KEL: variants seen among roughly 807,000 people sequenced by gnomAD.
The protein encoded by KEL is Kell metallo-endopeptidase (Kell blood group), also known as kell blood group glycoprotein.
Under a neutral mutation model 99.5 loss-of-function variants are expected in KEL, and 96 were observed. The observed-to-expected ratio is 0.97, with a 90% confidence interval of 0.82 to 1.14. The LOEUF (loss-of-function observed/expected upper bound fraction) is 1.14, where lower values mean the gene tolerates loss of function less well. Among genes scored for constraint, KEL ranks in the 50% most tolerant of loss-of-function variants. The probability of loss-of-function intolerance (pLI) is 0.00; values close to 1 mark genes in which losing one functional copy is unlikely to be tolerated. For synonymous variants in KEL, 355 were observed against 354.8 expected, an observed-to-expected ratio of 1.00 and a Z score of -0.01; for missense variants, 926 against 924.2, an observed-to-expected ratio of 1.00 and a Z score of -0.03.
chr7:142,962,258 G>T lies in KEL; in HGVS notation c.-52C>A. 1 of 1,611,000 alleles carries T rather than the reference G, an allele frequency of 6.2e-7. No homozygotes were observed. The highest frequency in any genetic ancestry group is 8.5e-7 in the Non-Finnish European group (1 of 1,177,110). Reference sequence around the variant, plus strand: ...CCTTCCTGGTTCCACTCTAGGAGCTGATTCGGAGGACTGGGGTCCAGGAAA... The same window carrying T: ...CCTTCCTGGTTCCACTCTAGGAGCTTATTCGGAGGACTGGGGTCCAGGAAA... On this transcript the variant is annotated 5_prime_UTR_variant, in exon 1 of 19. Transcript: ENST00000355265.
chr7:142,955,566 T>G (rs575148115), intron 6 of KEL, among the ~76,000 whole-genome samples: 3 of 152,228 alleles, frequency 2.0e-5, no homozygotes, highest in Non-Finnish European at 2.9e-5. Flanking sequence ...ATACTGAGTT[T>G]TGGGGACCTT....
At chr7:142,960,491 T>C (rs1166851601) in intron 4 of KEL, among the ~76,000 whole-genome samples, 1 of 152,120 alleles carries the variant, frequency 6.6e-6, no homozygotes, top group Non-Finnish European at 1.5e-5. Context: ...AGAATTGAAA[T>C]GCAGGAGATG....
intron 17 of KEL, 113 bp downstream of exon 17, chr7:142,942,762 A>G: frequency 7.4e-7 from 1 of 1,349,386 alleles, no homozygotes; most frequent in Non-Finnish European, 1.1e-6. Context: ...GGGGATGCGA[A>G]GGGCAGAAAG....
chr7:142,948,184 G>A (rs963332194), intron 10 of KEL, among the ~76,000 whole-genome samples: 6 of 152,018 alleles, frequency 3.9e-5, no homozygotes, highest in East Asian at 1.9e-4. Flanking sequence ...TAATACAATC[G>A]CCACCTCAGA....
intron 5 of KEL, 93 bp from the exon 6 acceptor site, chr7:142,958,066 C>A (rs1169110178): frequency 6.7e-7 from 1 of 1,490,662 alleles, no homozygotes; most frequent in Admixed American, 1.9e-5. Context: ...TACTGCCTGA[C>A]CTCTGCCCTG....
At position 142,954,465 on chromosome 7, in the gene KEL, C is replaced by T. The variant is rs1280893974; in HGVS notation, c.735G>A (p.Gln245=). 1.2e-6 allele frequency: 2 copies of T among 1,613,798 alleles called. No individual in the cohort carries two copies. The highest frequency in any genetic ancestry group is 3.3e-5 in the Admixed American group (2 of 60,002). The part of the protein sequence containing the change: ...KQDQEQKIYA[Q]IFREYLTYLN... ...GGCCTTTGTCCATGTGCCATCTTAC[C>T]TGGGCATAGATCTTCTGTTCTTGAT... The change falls in exon 7 of 19, where the codon CAG becomes CAA. Residue 245 remains glutamine, a splice_region_variant and synonymous_variant. Transcript: ENST00000355265.
rs1231613334 is a variant in KEL, at chr7:142,942,985, G to A, written c.1831C>T (p.Leu611=). The part of the protein sequence containing the change: ...NHALQEAHLC[L]KRHYAAFPLP... ...GGAAAGGCAGCATAATGGCGCTTCA[G>A]GCACAGGTGAGCTTCCTGGAGGGCA... is the stretch of plus-strand genomic sequence containing the variant. The change falls in exon 17 of 19, where the codon CTG becomes TTG. Residue 611 remains leucine (L), a synonymous_variant. Transcript: ENST00000355265. The A allele has an allele frequency of 6.2e-7, 1 of 1,614,092 alleles. No individual in the cohort carries two copies. The highest frequency in any genetic ancestry group is 8.5e-7 in the Non-Finnish European group (1 of 1,180,040).
At position 142,962,329 on chromosome 7, in the gene KEL, C is replaced by T. The variant is rs1326273983; in HGVS notation, c.-123G>A. ...TGATCCTGGAGAAGGGGCACTTCTG[C>T]TGCTCTTTCGCCTTGTCCCCAGACA... is the stretch of plus-strand genomic sequence containing the variant. On this transcript the variant is annotated 5_prime_UTR_variant, in exon 1 of 19. Coordinates refer to ENST00000355265, the MANE Select transcript of KEL (RefSeq NM_000420.3). 1.8e-6 allele frequency: 2 copies of T among 1,137,494 alleles called. No homozygotes were observed. The highest frequency in any genetic ancestry group is 2.7e-6 in the Non-Finnish European group (2 of 751,688). The allele number at this position is 1,137,494 out of a possible 1,614,324, so 70.5% of individuals were successfully genotyped here.
intron 12 of KEL, 58 bp from the exon 13 acceptor site, chr7:142,944,458 C>G (rs1796457835): frequency 6.9e-7 from 1 of 1,442,756 alleles, no homozygotes; most frequent in Non-Finnish European, 9.8e-7. Context: ...GAGGAAATTT[C>G]TCCCACTCGT....
intron 6 of KEL, among the ~76,000 whole-genome samples, chr7:142,955,218 A>G (rs1306391269): frequency 6.6e-6 from 1 of 152,228 alleles, no homozygotes; most frequent in East Asian, 1.9e-4. Flanking sequence ...CATTTTAAAA[A>G]ATCAAAATTA....
chr7:142,952,589 G>T lies in KEL; in HGVS notation c.1123C>A (p.Pro375Thr), dbSNP rs375474726. ...TCCTGGAATTGACTGTCCAGGGCTG[G>T]AGAAAGGGTCACCACCAGCCCTAAG... ...MILGLVVTLS[P>T]ALDSQFQEAR... is the part of the protein sequence containing the mutation. Residue 375 changes from proline (P) to threonine (T), a missense_variant, in exon 10 of 19, where the codon CCA (proline) becomes ACA (threonine). By Grantham distance (38) the Pro-to-Thr change is conservative. Transcript: ENST00000355265. The T allele has an allele frequency of 8.1e-6, 13 of 1,613,960 alleles. No homozygotes were observed. Among genetic ancestry groups the T allele is most frequent in the African/African-American group, 6.7e-5 (5 of 74,896 alleles).
rs1586265537 is a variant in KEL, at chr7:142,954,508, T to A, written c.692A>T (p.Asp231Val). The A allele has an allele frequency of 2.5e-6, 4 of 1,614,058 alleles. No homozygotes were observed. The East Asian group carries it at 8.9e-5, about 36-fold the overall frequency. Residue 231 changes from aspartate (D) to valine (V), a missense_variant, in exon 7 of 19, where the codon GAT (aspartate) becomes GTT (valine). Asp to Val is a radical substitution (Grantham distance 152). Transcript: ENST00000355265. ...TTCTTGATCTTGCTTGAGGGGAACA[T>A]CAAACTCTGGCTGGTCTATCTGGGC... ...PVIQIDQPEF[D>V]VPLKQDQEQK... is the part of the protein sequence containing the mutation.
chr7:142,948,110 G>A (rs1250159811), intron 10 of KEL, among the ~76,000 whole-genome samples: 1 of 152,020 alleles, frequency 6.6e-6, no homozygotes, highest in Non-Finnish European at 1.5e-5. Context: ...TTTGTTTCCT[G>A]ATGCCCTTTG....
intron 4 of KEL, 31 bp from the exon 5 acceptor site, chr7:142,958,459 A>T: frequency 6.2e-7 from 1 of 1,611,160 alleles, no homozygotes. Context: ...TGAGGACTAA[A>T]CTCTGATTTT....
chr7:142,961,739 A>T, intron 2 of KEL, 56 bp downstream of exon 2: 1 of 1,470,656 alleles, frequency 6.8e-7, no homozygotes, highest in Non-Finnish European at 9.5e-7. Context: ...GTGGGATTTT[A>T]GAGCCGAGAG....
In KEL at chr7:142,954,536, A is replaced by G. The variant is rs745518287; in HGVS notation, c.673-9T>C. ...AACTCTGGCTGGTCTATCTGGGCAC[A>G]AGAGAGACTGGAGAGAAGCAGGGAG... is the stretch of plus-strand genomic sequence containing the variant. On this transcript the variant is annotated splice_polypyrimidine_tract_variant and intron_variant, in intron 6 of 18. Coordinates refer to ENST00000355265, the MANE Select transcript of KEL (RefSeq NM_000420.3). 6.2e-7 allele frequency: 1 copy of G among 1,613,628 alleles called. No homozygotes were observed. Among genetic ancestry groups the G allele is most frequent in the South Asian group, 1.1e-5 (1 of 91,068 alleles).
chr7:142,958,198 C>G, intron 5 of KEL, 106 bp downstream of exon 5: 2 of 1,519,188 alleles, frequency 1.3e-6, no homozygotes, highest in East Asian at 2.3e-5. Context: ...AATTGGGGGG[C>G]CCTAGGAAGA....
At position 142,957,988 on chromosome 7, in the gene KEL, G is replaced by A. The variant is rs769997219; in HGVS notation, c.526-15C>T. ...CAGCCTCCAAGCTTTAAAGGAGAGAGAGGGGGCTGAGCATAAGGATCCGTG... is the reference window on the plus strand; with the variant it reads ...CAGCCTCCAAGCTTTAAAGGAGAGAAAGGGGGCTGAGCATAAGGATCCGTG... On this transcript the variant is annotated splice_polypyrimidine_tract_variant and intron_variant, in intron 5 of 18. Coordinates refer to ENST00000355265, the MANE Select transcript of KEL (RefSeq NM_000420.3). 1.2e-6 allele frequency: 2 copies of A among 1,612,804 alleles called. No individual in the cohort carries two copies. The highest frequency in any genetic ancestry group is 2.2e-5 in the South Asian group (2 of 90,816).
intron 10 of KEL, chr7:142,946,544 T>C: frequency 1.7e-6 from 1 of 591,004 alleles, no homozygotes; most frequent in South Asian, 2.0e-5. Context: ...ATCCTTCATG[T>C]TATTGCCTAT....
Sources: gnomAD v4.1 joint callset for allele counts (sites outside exome capture counted in the v4.1 genomes callset) on GRCh38, gnomAD v4.1.1 for gene constraint, MANE v1.5 for transcripts, NCBI Gene and HGNC (gene_info 2026-07-23, HGNC 2026-07-21) for gene names.